Variants in CWF19L2 observed in about 807,000 individuals in gnomAD.
CWF19L2 encodes the protein CWF19-like protein 2.
CWF19L2 carries 98 observed loss-of-function variants against 111.7 expected under a neutral mutation model. That is an observed-to-expected ratio of 0.88 (90% CI 0.75 to 1.04). The LOEUF (loss-of-function observed/expected upper bound fraction) is 1.04. CWF19L2 is among the 50% of genes least tolerant of loss of function. The pLI is 0.00. For missense variants in CWF19L2, 1,101 were observed against 1,051.4 expected, an observed-to-expected ratio of 1.05 and a Z score of -0.65; for synonymous variants, 351 against 342.9, an observed-to-expected ratio of 1.02 and a Z score of -0.26.
chr11:107,362,128 C>T (rs980911973), intron 12 of CWF19L2, among the ~76,000 whole-genome samples: 3 of 152,078 alleles, frequency 2.0e-5, no homozygotes, highest in African/African-American at 4.8e-5. Flanking sequence ...GCTTAAAAAA[C>T]GGCACACTAC....
At chr11:107,361,395 C>G (rs1206771490) in intron 12 of CWF19L2, among the ~76,000 whole-genome samples, 1 of 152,158 alleles carries the variant, frequency 6.6e-6, no homozygotes, top group Non-Finnish European at 1.5e-5. Context: ...AATCAGATGC[C>G]TGCAGCTTTG....
chr11:107,350,480 C>T (rs1234773452), intron 13 of CWF19L2, among the ~76,000 whole-genome samples: 5 of 152,128 alleles, frequency 3.3e-5, no homozygotes, highest in Non-Finnish European at 7.3e-5. Flanking sequence ...GTTCTTGCCA[C>T]TTCCACCATG....
chr11:107,358,503 GTAT>G (rs1860273013), intron 12 of CWF19L2, among the ~76,000 whole-genome samples: 1 of 152,278 alleles, frequency 6.6e-6, no homozygotes, highest in African/African-American at 2.4e-5. Context: ...CCACAATGTA[GTAT>G]TATTTAGCCA....
intron 10 of CWF19L2, among the ~76,000 whole-genome samples, chr11:107,402,575 A>G (rs1861016338): frequency 6.6e-6 from 1 of 152,030 alleles, no homozygotes. Flanking sequence ...AAAAATCGAA[A>G]AACAGTAGAT....
In CWF19L2 at chr11:107,333,051, G is replaced by C. The variant is rs536869338; in HGVS notation, c.2439+1830C>G. Among the ~76,000 whole-genome samples the C allele has an allele frequency of 3.8e-4, 57 of 151,010 alleles. 1 individual carries two copies. In the East Asian group the frequency reaches 0.011, roughly 29 times the overall value. On this transcript the variant is annotated intron_variant, in intron 16 of 17. Coordinates refer to ENST00000282251, the MANE Select transcript of CWF19L2 (RefSeq NM_152434.3). ...GAGAATCACTTGAACCTGGGAGGTG[G>C]AGTGATCGTCACTGGGCGACAGAGC...
At chr11:107,457,515 A>G (rs1486674542) in intron 1 of CWF19L2, among the ~76,000 whole-genome samples, 197 bp downstream of exon 1, 2 of 152,220 alleles carry the variant, frequency 1.3e-5, no homozygotes, top group Non-Finnish European at 2.9e-5. Context: ...AAAGAGAATT[A>G]GCAACTGGCA....
intron 12 of CWF19L2, among the ~76,000 whole-genome samples, chr11:107,385,230 A>G (rs1003448014): frequency 2.0e-5 from 3 of 152,246 alleles, no homozygotes; most frequent in South Asian, 2.1e-4. Flanking sequence ...CAGCATTTCC[A>G]TAGCAACCTG....
At chr11:107,397,061 A>G (rs983907716) in intron 10 of CWF19L2, among the ~76,000 whole-genome samples, 1 of 152,162 alleles carries the variant, frequency 6.6e-6, no homozygotes, top group African/African-American at 2.4e-5. Flanking sequence ...CACCACAGGG[A>G]TCCAACAGGA....
intron 11 of CWF19L2, among the ~76,000 whole-genome samples, chr11:107,391,123 GT>G (rs1432268229): frequency 3.3e-5 from 5 of 152,132 alleles, no homozygotes; most frequent in Non-Finnish European, 1.5e-5. Flanking sequence ...TACTTTTGAG[GT>G]TTTGGGACTT....
chr11:107,391,089 C>T lies in CWF19L2; in HGVS notation c.1735-878G>A, dbSNP rs188186683. On this transcript the variant is annotated intron_variant, in intron 11 of 17. Transcript: ENST00000282251. ...GATTCTCGGGCCTTCAGCCACAGAC[C>T]GAAGGCTGCACTGTCAGCTTCCCTA... Among the ~76,000 whole-genome samples, 36 of 152,232 alleles carry T rather than the reference C, an allele frequency of 2.4e-4. No homozygotes were observed. The East Asian group carries it at 5.2e-3, about 22-fold the overall frequency.
intron 3 of CWF19L2, among the ~76,000 whole-genome samples, chr11:107,448,821 CAA>C (rs1046344026): frequency 1.5e-4 from 23 of 152,280 alleles, no homozygotes; most frequent in Middle Eastern, 3.4e-3. Flanking sequence ...TCATCAGACA[CAA>C]AGTCTACCAG....
chr11:107,353,692 C>G lies in CWF19L2; in HGVS notation c.1917G>C (p.Met639Ile). The G allele has an allele frequency of 6.2e-7, 1 of 1,613,742 alleles. No individual in the cohort carries two copies. Among genetic ancestry groups the G allele is most frequent in the Non-Finnish European group, 8.5e-7 (1 of 1,179,734 alleles). ...TDGDYYTLDD[M>I]FVSKAAERER... ...CTCTCTCAGCTGCTTTGGAGACAAA[C>G]ATGTCATCCAGGGTGTAATAGTCTC... Residue 639 changes from methionine to isoleucine, a missense_variant, in exon 13 of 18, where the codon ATG (methionine) becomes ATC (isoleucine). Physicochemically the swap from Met to Ile is conservative, Grantham distance 10. Transcript: ENST00000282251.
rs552400476 is a variant in CWF19L2 at position 107,382,265 on chromosome 11, A to G, written c.1872+7809T>C. Among the ~76,000 whole-genome samples, 17 of 152,376 alleles carry G rather than the reference A, an allele frequency of 1.1e-4. No individual in the cohort carries two copies. In the South Asian group the frequency reaches 3.5e-3, roughly 32 times the overall value. ...ACATGGAAATTGGACAAAGACAATT[A>G]AATTTAGGCAACAGTCAACAACTAT... On this transcript the variant is annotated intron_variant, in intron 12 of 17. Transcript: ENST00000282251.
chr11:107,401,934 T>G (rs569963059), intron 10 of CWF19L2, among the ~76,000 whole-genome samples: 1 of 152,208 alleles, frequency 6.6e-6, no homozygotes, highest in Non-Finnish European at 1.5e-5. Context: ...CCCAAATACT[T>G]AAAGCCAACT....
chr11:107,375,169 A>T (rs1359687128), intron 12 of CWF19L2, among the ~76,000 whole-genome samples: 1 of 134,354 alleles, frequency 7.4e-6, no homozygotes, highest in Non-Finnish European at 1.6e-5. Flanking sequence ...CACATTAATA[A>T]TGGGAGACTT....
chr11:107,385,387 A>G (rs1860750045), intron 12 of CWF19L2, among the ~76,000 whole-genome samples: 1 of 152,198 alleles, frequency 6.6e-6, no homozygotes. Flanking sequence ...CAACACTACT[A>G]CAAATTCAAT....
rs199682425 is a variant in CWF19L2 at position 107,368,116 on chromosome 11, A to ACC, written c.1873-14382_1873-14381dup. On this transcript the variant is annotated intron_variant, in intron 12 of 17. Coordinates refer to ENST00000282251, the MANE Select transcript of CWF19L2 (RefSeq NM_152434.3). ...AGAGATCCGGGCAGAATAAATTGAG[A>ACC]CCCCCCCCCACACAAAAATACAAAA... Among the ~76,000 whole-genome samples, 2 of 47,950 alleles carry ACC rather than the reference A, an allele frequency of 4.2e-5. 1 individual carries two copies. The highest frequency in any genetic ancestry group is 7.8e-5 in the Non-Finnish European group (2 of 25,548). The allele number at this position is 47,950 out of a possible 152,430, so 31.5% of individuals were successfully genotyped here. A position where few individuals can be genotyped will look rare whatever the true frequency, so the allele number is the denominator to read the frequency against.
chr11:107,441,627 T>TA lies in CWF19L2; in HGVS notation c.451-6dup, dbSNP rs749129275. On this transcript the variant is annotated splice_polypyrimidine_tract_variant and splice_region_variant and intron_variant, in intron 4 of 17. Transcript: ENST00000282251. The stretch of plus-strand genomic sequence containing the variant: ...AACAGTCATCCACTCATCCCTCTGT[T>TA]AAAAAAAAAGACATAAAATCAACAG... 1.6e-4 allele frequency: 246 copies of TA among 1,494,822 alleles called. No individual in the cohort carries two copies. Among genetic ancestry groups the TA allele is most frequent in the South Asian group, 1.4e-3 (102 of 75,102 alleles). The allele number at this position is 1,494,822 out of a possible 1,614,324, so 92.6% of individuals were successfully genotyped here. A position where few individuals can be genotyped will look rare whatever the true frequency, so the allele number is the denominator to read the frequency against.
intron 3 of CWF19L2, among the ~76,000 whole-genome samples, chr11:107,451,912 A>G (rs1359568404): frequency 6.6e-6 from 1 of 152,178 alleles, no homozygotes; most frequent in East Asian, 1.9e-4. Context: ...AGAAAACTAG[A>G]AATAAAATGT....
Sources: allele counts gnomAD v4.1 joint callset (sites outside exome capture counted in the v4.1 genomes callset), GRCh38; gene constraint gnomAD v4.1.1; transcripts MANE v1.5; gene names NCBI Gene and HGNC (gene_info 2026-07-23, HGNC 2026-07-21).